Variants in ASB15 observed in about 807,000 individuals in gnomAD.
The protein encoded by ASB15 is ankyrin repeat and SOCS box containing 15.
ASB15 carries 54 observed loss-of-function variants against 58.0 expected under a neutral mutation model. That is an observed-to-expected ratio of 0.93 (90% CI 0.75 to 1.17). The LOEUF (loss-of-function observed/expected upper bound fraction) is 1.17, where lower values mean the gene tolerates loss of function less well. ASB15 is among the 50% of genes most tolerant of loss of function. ASB15 has a pLI of 0.00. For missense variants in ASB15, 680 were observed against 707.4 expected (o/e 0.96, Z 0.44); for synonymous variants, 249 against 262.4 (o/e 0.95, Z 0.50).
chr7:123,573,382 C>A (rs1442996418), intron 1 of ASB15, among the ~76,000 whole-genome samples: 4 of 150,930 alleles, frequency 2.7e-5, no homozygotes, highest in Non-Finnish European at 5.9e-5. Context: ...ACCTGACCCT[C>A]ATTTGTCTGT....
At chr7:123,568,489 C>T (rs1798820087) in intron 1 of ASB15, among the ~76,000 whole-genome samples, 1 of 150,958 alleles carries the variant, frequency 6.6e-6, no homozygotes, top group African/African-American at 2.4e-5. Flanking sequence ...CCATTGCACT[C>T]CAGCCTGAAC....
rs117457150 is a variant in ASB15 at position 123,569,191 on chromosome 7, G to C, written c.-443+2103G>C. On this transcript the variant is annotated intron_variant, in intron 1 of 13. Coordinates refer to the ASB15 transcript ENST00000451558. ...AACCATTAAGGAGTCATTTTGTCCG[G>C]TGGTCATGCTAAAGAGACAGACGTA... is the stretch of plus-strand genomic sequence containing the variant. Among the ~76,000 whole-genome samples, 122 of 152,222 alleles carry C rather than the reference G, an allele frequency of 8.0e-4. 1 individual carries two copies. The highest frequency in any genetic ancestry group is 1.3e-3 in the Non-Finnish European group (91 of 68,008).
chr7:123,629,369 G>C lies in ASB15; in HGVS notation c.1375G>C (p.Val459Leu), dbSNP rs770056947. 1.7e-5 allele frequency: 27 copies of C among 1,614,012 alleles called. No homozygotes were observed. The highest frequency in any genetic ancestry group is 2.2e-5 in the Non-Finnish European group (26 of 1,179,988). The change falls in exon 10 of 12, where the codon GTG becomes CTG. Residue 459 changes from valine to leucine, a missense_variant. Val to Leu is a conservative substitution (Grantham distance 32). Transcript: ENST00000451215. ...TGGTGACATCTTTGGAAATTCATTT[G>C]TGTGGTCAGAGATACAGGAAGAGGT... ...MHGDIFGNSFVWSEIQEEVLP... is the reference protein window; with the variant it reads ...MHGDIFGNSFLWSEIQEEVLP...
At chr7:123,603,330 AC>A (rs1293087520) in intron 1 of ASB15, among the ~76,000 whole-genome samples, 2 of 152,206 alleles carry the variant, frequency 1.3e-5, no homozygotes, top group African/African-American at 4.8e-5. Context: ...AAAAATAATC[AC>A]TAAGAATTGG....
chr7:123,619,888 A>G (rs1320480752), intron 7 of ASB15: 1 of 152,334 alleles, frequency 6.6e-6, no homozygotes, highest in Non-Finnish European at 1.5e-5. Flanking sequence ...AAGATGGGAA[A>G]AACAATCTAA....
intron 1 of ASB15, among the ~76,000 whole-genome samples, chr7:123,576,077 T>C (rs1339718605): frequency 6.6e-6 from 1 of 151,330 alleles, no homozygotes; most frequent in Non-Finnish European, 1.5e-5. Flanking sequence ...CATATAAATA[T>C]ATAGATATAT....
At chr7:123,632,064 C>A (rs371549655) in intron 11 of ASB15, among the ~76,000 whole-genome samples, 5 of 151,632 alleles carry the variant, frequency 3.3e-5, no homozygotes, top group African/African-American at 7.3e-5. Flanking sequence ...GGCGACAGAG[C>A]GAGACTCCAT....
intron 1 of ASB15, among the ~76,000 whole-genome samples, chr7:123,576,039 T>C (rs1012240195): frequency 6.6e-6 from 1 of 151,366 alleles, no homozygotes; most frequent in Non-Finnish European, 1.5e-5. Context: ...TTGTTGGATT[T>C]TACTTGACTG....
chr7:123,637,065 A>C lies in ASB15; in HGVS notation c.*84A>C, dbSNP rs1802467257. 5.4e-6 allele frequency: 5 copies of C among 924,764 alleles called. 1 individual carries two copies. The highest frequency in any genetic ancestry group is 5.5e-5 in the Admixed American group (2 of 36,212). 57.3% of individuals were successfully genotyped at this position (924,764 alleles called of 1,614,324 possible). On this transcript the variant is annotated 3_prime_UTR_variant, in exon 12 of 12. Coordinates refer to ENST00000451215, the MANE Select transcript of ASB15 (RefSeq NM_001290258.2). Reference sequence around the variant, plus strand: ...TTCTTGTAACCATTTTACATCCTTAATTGTAAAGTGTATTTAAATTCATTG... The same window carrying C: ...TTCTTGTAACCATTTTACATCCTTACTTGTAAAGTGTATTTAAATTCATTG...
intron 1 of ASB15, among the ~76,000 whole-genome samples, chr7:123,573,344 C>T (rs1463597997): frequency 2.2e-5 from 3 of 136,476 alleles, no homozygotes; most frequent in African/African-American, 5.5e-5. Flanking sequence ...AAATGCTCAT[C>T]GTAAGTGGAA....
chr7:123,589,833 C>A (rs954173353), intron 1 of ASB15, among the ~76,000 whole-genome samples: 3 of 152,028 alleles, frequency 2.0e-5, no homozygotes, highest in Non-Finnish European at 2.9e-5. Flanking sequence ...GGGTATATAC[C>A]CAGTAATGGG....
chr7:123,630,326 G>T (rs77734981), intron 11 of ASB15, among the ~76,000 whole-genome samples: 18,697 of 151,986 alleles, frequency 0.12, 1,308 homozygotes, highest in Admixed American at 0.19. Context: ...ATTGTATAAT[G>T]AGTAATACTA....
At chr7:123,634,823 A>G (rs1802326980) in intron 11 of ASB15, among the ~76,000 whole-genome samples, 1 of 152,222 alleles carries the variant, frequency 6.6e-6, no homozygotes, top group Non-Finnish European at 1.5e-5. Context: ...AACAGCTGCT[A>G]ATATGTAGCC....
At chr7:123,614,777 T>A (rs1215802419) in intron 4 of ASB15, among the ~76,000 whole-genome samples, 168 bp downstream of exon 4, 2 of 152,242 alleles carry the variant, frequency 1.3e-5, no homozygotes, top group Non-Finnish European at 2.9e-5. Flanking sequence ...GTTTTAGCAA[T>A]CTGATCTTCC....
intron 1 of ASB15, among the ~76,000 whole-genome samples, chr7:123,593,217 T>C (rs1270702800): frequency 6.6e-6 from 1 of 152,136 alleles, no homozygotes; most frequent in African/African-American, 2.4e-5. Flanking sequence ...GGTCTTGACT[T>C]TTTATCCAAT....
chr7:123,570,781 G>C (rs1798888816), intron 1 of ASB15, among the ~76,000 whole-genome samples: 2 of 152,044 alleles, frequency 1.3e-5, no homozygotes, highest in African/African-American at 4.8e-5. Context: ...TTTGCTTCTT[G>C]AGCCCCATCC....
chr7:123,597,726 G>A (rs1249312174), upstream of ASB15, among the ~76,000 whole-genome samples: 2 of 152,142 alleles, frequency 1.3e-5, no homozygotes, highest in African/African-American at 4.8e-5. Flanking sequence ...AGCTACGCGG[G>A]AGGCTGAGGC....
chr7:123,596,404 GA>G (rs1316839923), intron 1 of ASB15: 1 of 151,962 alleles, frequency 6.6e-6, no homozygotes, highest in Non-Finnish European at 1.5e-5. Context: ...TCAGGAGTTT[GA>G]AACCAGCCTG....
chr7:123,613,454 A>G (rs1800589952), intron 3 of ASB15, among the ~76,000 whole-genome samples: 1 of 152,230 alleles, frequency 6.6e-6, no homozygotes, highest in African/African-American at 2.4e-5. Context: ...CTCTCTAAAT[A>G]AAATAAAGCA....
Sources: gnomAD v4.1 joint callset for allele counts (sites outside exome capture counted in the v4.1 genomes callset) on GRCh38, gnomAD v4.1.1 for gene constraint, MANE v1.5 for transcripts, NCBI Gene and HGNC (gene_info 2026-07-23, HGNC 2026-07-21) for gene names.